Variants in FBXL7 observed in about 807,000 individuals in gnomAD.
FBXL7 encodes F-box and leucine rich repeat protein 7.
A neutral mutation model predicts 38.3 loss-of-function variants in FBXL7; 12 were observed. The ratio of observed to expected loss-of-function variants is 0.31; its 90% CI spans 0.20 to 0.51. The LOEUF (loss-of-function observed/expected upper bound fraction) is 0.51. Ranked by LOEUF, FBXL7 falls within the 20% of genes least tolerant of loss-of-function variation. The probability of loss-of-function intolerance (pLI) is 0.98; values close to 1 mark genes in which losing one functional copy is unlikely to be tolerated. For synonymous variants in FBXL7, 297 were observed against 300.9 expected, an observed-to-expected ratio of 0.99 and a Z score of 0.13; for missense variants, 567 against 676.4, an observed-to-expected ratio of 0.84 and a Z score of 1.79.
In FBXL7 at chr5:15,544,472, TTGTC is replaced by T. The variant is rs745440868; in HGVS notation, c.37+43762_37+43765del. ...CCATTTTGACAATTACTGTTTTTCT[TTGTC>T]TGGTTTGATTTTGCAGTTGCTCTAT... On this transcript the variant is annotated intron_variant, in intron 1 of 3. Transcript: ENST00000504595. Among the ~76,000 whole-genome samples the T allele has an allele frequency of 4.4e-4, 67 of 152,308 alleles. No individual in the cohort carries two copies. The Middle Eastern group carries it at 0.01, about 23-fold the overall frequency.
intron 2 of FBXL7, among the ~76,000 whole-genome samples, chr5:15,902,163 T>G (rs142654039): frequency 2.1e-3 from 327 of 152,306 alleles, no homozygotes; most frequent in Middle Eastern, 0.017. Flanking sequence ...TTGGTTGTCT[T>G]GCTTCCACAT....
intron 1 of FBXL7, among the ~76,000 whole-genome samples, chr5:15,614,085 G>A (rs1003108128): frequency 1.3e-5 from 2 of 152,076 alleles, no homozygotes; most frequent in Admixed American, 6.5e-5. Context: ...TTCAACATGT[G>A]AATTCTGGAA....
At chr5:15,902,806 G>A (rs867537395) in intron 2 of FBXL7, among the ~76,000 whole-genome samples, 3 of 152,204 alleles carry the variant, frequency 2.0e-5, no homozygotes, top group Non-Finnish European at 4.4e-5. Flanking sequence ...TCAGTCCTTC[G>A]GGGTGGATTC....
intron 2 of FBXL7, among the ~76,000 whole-genome samples, chr5:15,858,559 G>A (rs1350879502): frequency 1.3e-5 from 2 of 152,136 alleles, no homozygotes; most frequent in Non-Finnish European, 2.9e-5. Context: ...GCTGTCAGAT[G>A]TCCATAAATT....
At chr5:15,767,605 T>A (rs1390997095) in intron 2 of FBXL7, among the ~76,000 whole-genome samples, 2 of 152,180 alleles carry the variant, frequency 1.3e-5, no homozygotes, top group African/African-American at 4.8e-5. Flanking sequence ...GATGAAACAT[T>A]TAGAGGTTCA....
intron 1 of FBXL7, among the ~76,000 whole-genome samples, chr5:15,544,914 T>G (rs1737858604): frequency 6.6e-6 from 1 of 152,250 alleles, no homozygotes; most frequent in African/African-American, 2.4e-5. Flanking sequence ...ATTACATATC[T>G]CCTTTAGCAT....
In FBXL7 at chr5:15,761,278, G is replaced by T. The variant is rs557234050; in HGVS notation, c.127+145206G>T. ...CTTTTTCCTCTCTTTAAAAATAATT[G>T]TTTATGGCTGTCTTGGTGCCAAAAA... On this transcript the variant is annotated intron_variant, in intron 2 of 3. Transcript: ENST00000504595. Among the ~76,000 whole-genome samples the T allele has an allele frequency of 6.6e-5, 10 of 152,088 alleles. No homozygotes were observed. In the East Asian group the frequency reaches 1.9e-3, roughly 29 times the overall value.
chr5:15,580,706 A>T (rs1739110503), intron 1 of FBXL7: 4 of 985,292 alleles, frequency 4.1e-6, no homozygotes, highest in Admixed American at 1.2e-4. Flanking sequence ...AGGTGCCAGA[A>T]CAGGAAGGGA....
chr5:15,620,358 G>A (rs149357462), intron 2 of FBXL7, among the ~76,000 whole-genome samples: 7 of 148,624 alleles, frequency 4.7e-5, no homozygotes, highest in Non-Finnish European at 8.9e-5. Flanking sequence ...TCAGCCTCCC[G>A]AGTAGCTGGG....
chr5:15,673,098 C>T (rs1376788271), intron 2 of FBXL7, among the ~76,000 whole-genome samples: 1 of 151,948 alleles, frequency 6.6e-6, no homozygotes, highest in Non-Finnish European at 1.5e-5. Context: ...GGCTAATCAC[C>T]TGAGGTCAGG....
At chr5:15,779,706 A>C (rs1505039) in intron 2 of FBXL7, among the ~76,000 whole-genome samples, 1 of 152,024 alleles carries the variant, frequency 6.6e-6, no homozygotes, top group Non-Finnish European at 1.5e-5. Flanking sequence ...GCATATTTTT[A>C]GGCAGTTTAA....
chr5:15,681,317 T>A (rs1259463194), intron 2 of FBXL7, among the ~76,000 whole-genome samples: 1 of 152,194 alleles, frequency 6.6e-6, no homozygotes. Flanking sequence ...CAATTGGAAA[T>A]AACCTGTATA....
intron 2 of FBXL7, among the ~76,000 whole-genome samples, chr5:15,749,172 G>T (rs1736089442): frequency 6.9e-6 from 1 of 144,410 alleles, no homozygotes; most frequent in Admixed American, 7.2e-5. Context: ...TTGAGCCCAG[G>T]AGACAGAGGT....
intron 2 of FBXL7, among the ~76,000 whole-genome samples, chr5:15,800,242 G>A (rs1222000274): frequency 6.6e-6 from 1 of 152,156 alleles, no homozygotes; most frequent in Non-Finnish European, 1.5e-5. Flanking sequence ...CTGGTGGGCA[G>A]CAGGAACTCA....
At chr5:15,551,276 G>A (rs969248992) in intron 1 of FBXL7, among the ~76,000 whole-genome samples, 8 of 152,152 alleles carry the variant, frequency 5.3e-5, no homozygotes, top group South Asian at 2.1e-4. Flanking sequence ...GAGCATCTAC[G>A]TTGCCATGGA....
chr5:15,584,159 T>G (rs1008464977), intron 1 of FBXL7, among the ~76,000 whole-genome samples: 12 of 152,218 alleles, frequency 7.9e-5, no homozygotes, highest in Non-Finnish European at 1.3e-4. Context: ...GCCCTGGGCC[T>G]GGTCCACAAA....
chr5:15,808,919 G>A (rs188796336), intron 2 of FBXL7, among the ~76,000 whole-genome samples: 10 of 152,122 alleles, frequency 6.6e-5, no homozygotes, highest in Admixed American at 2.0e-4. Context: ...ATATCATTTC[G>A]CCCATCCTGA....
chr5:15,619,694 A>T (rs902086194), intron 2 of FBXL7, among the ~76,000 whole-genome samples: 1 of 152,200 alleles, frequency 6.6e-6, no homozygotes, highest in Admixed American at 6.5e-5. Context: ...TTGATTTTTT[A>T]AAATGACATA....
intron 2 of FBXL7, among the ~76,000 whole-genome samples, chr5:15,825,328 T>C (rs988629607): frequency 6.6e-6 from 1 of 152,176 alleles, no homozygotes; most frequent in African/African-American, 2.4e-5. Context: ...CCAGGAATGT[T>C]AATATTATCT....
Sources: allele counts gnomAD v4.1 joint callset (sites outside exome capture counted in the v4.1 genomes callset), GRCh38; gene constraint gnomAD v4.1.1; transcripts MANE v1.5; gene names NCBI Gene and HGNC (gene_info 2026-07-23, HGNC 2026-07-21).